SLC39A8: variants seen among roughly 807,000 people sequenced by gnomAD.
SLC39A8 encodes the protein solute carrier family 39 member 8, also known as metal cation symporter ZIP8.
A neutral mutation model predicts 40.4 loss-of-function variants in SLC39A8; 15 were observed. The ratio of observed to expected loss-of-function variants is 0.37; its 90% CI spans 0.25 to 0.57. The LOEUF is 0.57. Among genes scored for constraint, SLC39A8 ranks in the 20% least tolerant of loss-of-function variants. The pLI, the probability that SLC39A8 is intolerant of heterozygous loss-of-function variation, is 0.75. For missense variants in SLC39A8, 472 were observed against 558.8 expected (o/e 0.84, Z 1.57); for synonymous variants, 223 against 221.6 (o/e 1.01, Z -0.06).
intron 6 of SLC39A8, among the ~76,000 whole-genome samples, chr4:102,292,517 T>A (rs1363688466): frequency 2.6e-5 from 4 of 152,086 alleles, no homozygotes; most frequent in Non-Finnish European, 5.9e-5. Flanking sequence ...CCATCTACTT[T>A]TGAATCTTCA....
At chr4:102,282,787 C>T (rs891824703) in intron 6 of SLC39A8, among the ~76,000 whole-genome samples, 7 of 152,272 alleles carry the variant, frequency 4.6e-5, no homozygotes, top group South Asian at 2.1e-4. Flanking sequence ...AAGGCAGTGA[C>T]GCAATCTTGG....
chr4:102,279,651 T>C (rs1732785683), intron 6 of SLC39A8, among the ~76,000 whole-genome samples: 1 of 152,094 alleles, frequency 6.6e-6, no homozygotes, highest in African/African-American at 2.4e-5. Flanking sequence ...TAATGAGCAG[T>C]TTAGGCCTCA....
intron 6 of SLC39A8, among the ~76,000 whole-genome samples, chr4:102,293,546 T>C (rs895570981): frequency 6.6e-6 from 1 of 152,028 alleles, no homozygotes; most frequent in Non-Finnish European, 1.5e-5. Flanking sequence ...ACCAGTGTAC[T>C]AAAATCAGTG....
chr4:102,324,256 G>T (rs774967748), intron 2 of SLC39A8: 2 of 362,346 alleles, frequency 5.5e-6, no homozygotes, highest in Non-Finnish European at 1.1e-5. Flanking sequence ...TTACCTGAGC[G>T]TGTTGGTGCA....
intron 6 of SLC39A8, among the ~76,000 whole-genome samples, chr4:102,275,225 C>T (rs1732561775): frequency 6.6e-6 from 1 of 151,840 alleles, no homozygotes; most frequent in African/African-American, 2.4e-5. Flanking sequence ...TAAGAAGACA[C>T]ACATAGGCTC....
At chr4:102,302,566 G>A (rs1430081486) in intron 6 of SLC39A8, among the ~76,000 whole-genome samples, 1 of 151,988 alleles carries the variant, frequency 6.6e-6, no homozygotes, top group Non-Finnish European at 1.5e-5. Flanking sequence ...AACAGTTGAT[G>A]TTGTCATCTT....
At chr4:102,302,031 G>T (rs1031262002) in intron 6 of SLC39A8, among the ~76,000 whole-genome samples, 1 of 151,918 alleles carries the variant, frequency 6.6e-6, no homozygotes, top group Admixed American at 6.6e-5. Flanking sequence ...TATGGTCAAG[G>T]AGGTGATCAG....
intron 6 of SLC39A8, among the ~76,000 whole-genome samples, chr4:102,289,021 G>T (rs926538230): frequency 6.6e-6 from 1 of 152,114 alleles, no homozygotes; most frequent in Admixed American, 6.6e-5. Flanking sequence ...GCCATCCAGG[G>T]CTTTCATAGC....
downstream of SLC39A8, among the ~76,000 whole-genome samples, chr4:102,260,972 A>C (rs1731832578): frequency 6.6e-6 from 1 of 152,218 alleles, no homozygotes; most frequent in Admixed American, 6.5e-5. Flanking sequence ...CAGAAGCTGG[A>C]AATTCCCAAT....
chr4:102,267,029 C>A (rs1184623424), intron 8 of SLC39A8, among the ~76,000 whole-genome samples: 1 of 152,090 alleles, frequency 6.6e-6, no homozygotes, highest in Non-Finnish European at 1.5e-5. Context: ...TTTAGTGTAC[C>A]AGTTTTAGTT....
At chr4:102,263,927 C>G (rs757782801) in intron 8 of SLC39A8, among the ~76,000 whole-genome samples, 2 of 152,156 alleles carry the variant, frequency 1.3e-5, no homozygotes, top group Admixed American at 6.5e-5. Flanking sequence ...GTCTCCACTT[C>G]TCATTCTAGT....
At chr4:102,294,213 A>C (rs1032025569) in intron 6 of SLC39A8, among the ~76,000 whole-genome samples, 3 of 152,072 alleles carry the variant, frequency 2.0e-5, no homozygotes. Context: ...AAACTCCTAC[A>C]AATGACAGAC....
At chr4:102,291,761 A>G (rs1297741694) in intron 6 of SLC39A8, among the ~76,000 whole-genome samples, 2 of 152,014 alleles carry the variant, frequency 1.3e-5, no homozygotes, top group African/African-American at 4.8e-5. Context: ...ACCTGACACC[A>G]GGAAATGTGT....
intron 2 of SLC39A8, among the ~76,000 whole-genome samples, chr4:102,318,587 G>A (rs1241383512): frequency 6.6e-6 from 1 of 152,116 alleles, no homozygotes; most frequent in African/African-American, 2.4e-5. Flanking sequence ...GTGCCTCCCA[G>A]AGTGGGAACA....
chr4:102,344,409 C>T, intron 2 of SLC39A8, 35 bp downstream of exon 2: 1 of 1,430,156 alleles, frequency 7.0e-7, no homozygotes, highest in Non-Finnish European at 9.3e-7. Flanking sequence ...GGGACACCCA[C>T]AGTACGGAGG....
chr4:102,256,048 C>T (rs1173467409), intron 11 of SLC39A8, among the ~76,000 whole-genome samples: 1 of 152,134 alleles, frequency 6.6e-6, no homozygotes, highest in Non-Finnish European at 1.5e-5. Flanking sequence ...ATATGAAGCA[C>T]CTTCCTCCAC....
chr4:102,315,887 A>G, intron 2 of SLC39A8, 57 bp from the exon 3 acceptor site: 3 of 1,452,304 alleles, frequency 2.1e-6, no homozygotes, highest in Non-Finnish European at 2.8e-6. Context: ...GCACATAAGC[A>G]AAGATGCTAT....
In SLC39A8 at chr4:102,344,785, G is replaced by A; in HGVS notation, c.-123C>T. ...GTGCTCGGCGCTGCTCCGAGTCAGA[G>A]GTGGCGCGGGACGCCCCTGGTTCTC... On this transcript the variant is annotated 5_prime_UTR_variant, in exon 2 of 9. Transcript: ENST00000356736. The A allele has an allele frequency of 7.6e-7, 1 of 1,320,160 alleles. No homozygotes were observed. Among genetic ancestry groups the A allele is most frequent in the Non-Finnish European group, 9.6e-7 (1 of 1,039,464 alleles). The allele number at this position is 1,320,160 out of a possible 1,614,324, so 81.8% of individuals were successfully genotyped here. A position where few individuals can be genotyped will look rare whatever the true frequency, so the allele number is the denominator to read the frequency against.
intron 2 of SLC39A8, among the ~76,000 whole-genome samples, chr4:102,325,867 T>A (rs1359307842): frequency 6.6e-6 from 1 of 152,246 alleles, no homozygotes; most frequent in Non-Finnish European, 1.5e-5. Context: ...TGTTGAAAGC[T>A]ACAACAATCT....
Sources: gnomAD v4.1 joint callset for allele counts (sites outside exome capture counted in the v4.1 genomes callset) on GRCh38, gnomAD v4.1.1 for gene constraint, MANE v1.5 for transcripts, NCBI Gene and HGNC (gene_info 2026-07-23, HGNC 2026-07-21) for gene names.